PARD3: variants seen among roughly 807,000 people sequenced by gnomAD.
PARD3 encodes the protein par-3 family cell polarity regulator.
In PARD3, 75 loss-of-function variants were observed where a neutral mutation model predicts 155.4. That is an observed-to-expected ratio of 0.48 (90% CI 0.40 to 0.58). The LOEUF (loss-of-function observed/expected upper bound fraction) is 0.58, where lower values mean the gene tolerates loss of function less well. PARD3 is among the 20% of genes least tolerant of loss of function. PARD3 has a pLI of 0.00. For missense variants in PARD3, 1,642 were observed against 1,721.7 expected, an observed-to-expected ratio of 0.95 and a Z score of 0.82; for synonymous variants, 576 against 610.5, an observed-to-expected ratio of 0.94 and a Z score of 0.83.
intron 1 of PARD3, among the ~76,000 whole-genome samples, chr10:34,747,995 T>C (rs1835515739): frequency 6.6e-6 from 1 of 152,096 alleles, no homozygotes; most frequent in Non-Finnish European, 1.5e-5. Flanking sequence ...CAGGCAGCCA[T>C]GGAGCAGAGA....
At chr10:34,538,993 A>G (rs665402) in intron 2 of PARD3, among the ~76,000 whole-genome samples, 2 of 152,180 alleles carry the variant, frequency 1.3e-5, no homozygotes, top group African/African-American at 2.4e-5. Context: ...TTAGAAGTAC[A>G]TTTGGTGGCA....
At chr10:34,607,908 C>G (rs895090379) in intron 2 of PARD3, among the ~76,000 whole-genome samples, 7 of 152,168 alleles carry the variant, frequency 4.6e-5, no homozygotes, top group Non-Finnish European at 7.3e-5. Context: ...ACAGATCTCC[C>G]ATTTATGTAT....
intron 22 of PARD3, among the ~76,000 whole-genome samples, chr10:34,243,566 G>A (rs578218092): frequency 1.3e-5 from 2 of 152,250 alleles, no homozygotes; most frequent in African/African-American, 4.8e-5. Context: ...GGCCAGGCAC[G>A]GTTGCTCATG....
At chr10:34,482,371 A>AT (rs1450283114) in intron 3 of PARD3, among the ~76,000 whole-genome samples, 3 of 151,706 alleles carry the variant, frequency 2.0e-5, no homozygotes, top group Non-Finnish European at 4.4e-5. Flanking sequence ...GGGTCTCGCT[A>AT]TATTACCAAG....
Position 34,382,553 on chromosome 10 carries a change from G to T in PARD3, c.1386C>A (p.Ile462=). The part of the protein sequence containing the change: ...NTKKIGKRLN[I]QLKKGTEGLG... ...GATAGGTCGTACCTTTCTTAAGCTGGATATTAAGCCTCTTGCCTATTTTTT... is the reference window on the plus strand; with the variant it reads ...GATAGGTCGTACCTTTCTTAAGCTGTATATTAAGCCTCTTGCCTATTTTTT... Residue 462 remains isoleucine (I), a synonymous_variant, in exon 9 of 25, where the codon ATC becomes ATA. Transcript: ENST00000374788. 6.2e-7 allele frequency: 1 copy of T among 1,612,530 alleles called. No individual in the cohort carries two copies. Among genetic ancestry groups the T allele is most frequent in the Non-Finnish European group, 8.5e-7 (1 of 1,179,800 alleles).
At chr10:34,634,814 T>C (rs1206891360) in intron 2 of PARD3, among the ~76,000 whole-genome samples, 1 of 152,106 alleles carries the variant, frequency 6.6e-6, no homozygotes, top group Non-Finnish European at 1.5e-5. Context: ...GTTTGTTGGG[T>C]GATTTCTAGT....
intron 22 of PARD3, among the ~76,000 whole-genome samples, chr10:34,261,845 C>CAA (rs375523699): frequency 0.058 from 8,067 of 139,492 alleles, 388 homozygotes; most frequent in Non-Finnish European, 0.067. Context: ...AACAAACAAA[C>CAA]ACACACACAC....
At chr10:34,328,096 T>C (rs906116350) in intron 19 of PARD3, among the ~76,000 whole-genome samples, 1 of 152,226 alleles carries the variant, frequency 6.6e-6, no homozygotes, top group African/African-American at 2.4e-5. Context: ...TGCCTTCGCG[T>C]CTTCAGTTTT....
intron 24 of PARD3, among the ~76,000 whole-genome samples, chr10:34,117,349 C>G (rs1029498504): frequency 6.6e-6 from 1 of 152,210 alleles, no homozygotes; most frequent in African/African-American, 2.4e-5. Context: ...CCCGTGTGGT[C>G]GTGCAGGGAG....
chr10:34,476,404 T>C (rs373318633), intron 3 of PARD3, among the ~76,000 whole-genome samples: 1 of 152,148 alleles, frequency 6.6e-6, no homozygotes, highest in African/African-American at 2.4e-5. Context: ...ACCACTGATG[T>C]AGATGTCAAC....
At chr10:34,148,319 C>T (rs1948616749) in intron 22 of PARD3, among the ~76,000 whole-genome samples, 1 of 152,162 alleles carries the variant, frequency 6.6e-6, no homozygotes, top group Non-Finnish European at 1.5e-5. Context: ...CTACATTAAG[C>T]CTCAGAAGTC....
At chr10:34,671,240 G>A (rs2093605330) in intron 2 of PARD3, among the ~76,000 whole-genome samples, 1 of 152,184 alleles carries the variant, frequency 6.6e-6, no homozygotes, top group African/African-American at 2.4e-5. Flanking sequence ...GCATTATAAA[G>A]AAATAGTTAA....
chr10:34,668,081 A>C (rs2093532358), intron 2 of PARD3, among the ~76,000 whole-genome samples: 1 of 152,226 alleles, frequency 6.6e-6, no homozygotes, highest in South Asian at 2.1e-4. Context: ...TGGAAAAATA[A>C]GCAAGACAGT....
intron 22 of PARD3, among the ~76,000 whole-genome samples, chr10:34,247,743 T>C (rs575164871): frequency 1.7e-3 from 259 of 152,350 alleles, no homozygotes; most frequent in Non-Finnish European, 2.9e-3. Flanking sequence ...ACTGGTTACA[T>C]TGTTTCATTG....
At chr10:34,757,906 A>G (rs748050424) in intron 1 of PARD3, among the ~76,000 whole-genome samples, 6 of 152,160 alleles carry the variant, frequency 3.9e-5, no homozygotes, top group Non-Finnish European at 8.8e-5. Context: ...ATGCTTCAGT[A>G]TACTATTAGA....
chr10:34,678,767 A>C (rs2093758215), intron 2 of PARD3, among the ~76,000 whole-genome samples: 1 of 152,160 alleles, frequency 6.6e-6, no homozygotes, highest in South Asian at 2.1e-4. Context: ...AATATTAAGG[A>C]GTAAACACAA....
At position 34,526,466 on chromosome 10, in the gene PARD3, G is replaced by C. The variant is rs569345128; in HGVS notation, c.223-9307C>G. Among the ~76,000 whole-genome samples the C allele has an allele frequency of 4.6e-5, 7 of 152,284 alleles. No individual in the cohort carries two copies. The East Asian group carries it at 1.4e-3, about 29-fold the overall frequency. On this transcript the variant is annotated intron_variant, in intron 2 of 24. Transcript: ENST00000374788. ...TCACGACCAGGCAGGAGCATGCCCT[G>C]CTCTCCTGCTCCTCTGAATGTCTGC...
chr10:34,317,353 A>C lies in PARD3; in HGVS notation c.2834-15T>G. 6.3e-7 allele frequency: 1 copy of C among 1,580,506 alleles called. No homozygotes were observed. The highest frequency in any genetic ancestry group is 8.6e-7 in the Non-Finnish European group (1 of 1,168,700). On this transcript the variant is annotated splice_polypyrimidine_tract_variant and intron_variant, in intron 19 of 24. Coordinates refer to ENST00000374788, the MANE Select transcript of PARD3 (RefSeq NM_001184785.2). ...GTCTTCTTCCACTTGGAAGGAAAGA[A>C]AAAAAAATAGGGACACAGTGAACCA...
intron 2 of PARD3, among the ~76,000 whole-genome samples, chr10:34,672,941 G>A (rs2093635546): frequency 6.6e-6 from 1 of 152,184 alleles, no homozygotes; most frequent in African/African-American, 2.4e-5. Flanking sequence ...TGATTGAACT[G>A]TATTCAGCAG....
Sources: gnomAD v4.1 joint callset for allele counts (sites outside exome capture counted in the v4.1 genomes callset) on GRCh38, gnomAD v4.1.1 for gene constraint, MANE v1.5 for transcripts, NCBI Gene and HGNC (gene_info 2026-07-23, HGNC 2026-07-21) for gene names.